TRAPPC8: variants seen among roughly 807,000 people sequenced by gnomAD.
TRAPPC8 encodes the protein general sporulation gene 1 homolog.
Under a neutral mutation model 174.3 loss-of-function variants are expected in TRAPPC8, and 54 were observed. The observed-to-expected ratio is 0.31, with a 90% confidence interval of 0.25 to 0.39. The LOEUF (loss-of-function observed/expected upper bound fraction) is 0.39, where lower values mean the gene tolerates loss of function less well. Ranked by LOEUF, TRAPPC8 falls within the 10% of genes least tolerant of loss-of-function variation. The pLI is 1.00. For missense variants in TRAPPC8, 1,531 were observed against 1,699.1 expected (o/e 0.90, Z 1.74); for synonymous variants, 630 against 579.9 (o/e 1.09, Z -1.24).
intron 5 of TRAPPC8, among the ~76,000 whole-genome samples, chr18:31,911,871 C>CAAA (rs35950290): frequency 1.4e-4 from 13 of 93,712 alleles, no homozygotes; most frequent in Non-Finnish European, 1.8e-4. Flanking sequence ...GATCCTGTCT[C>CAAA]AAAAAAAAAA....
At position 31,935,362 on chromosome 18, in the gene TRAPPC8, ACC is replaced by A. The variant is rs372236055; in HGVS notation, c.158-3841_158-3840del. Among the ~76,000 whole-genome samples the A allele has an allele frequency of 4.0e-3, 232 of 57,384 alleles. 4 individuals carry two copies. Among genetic ancestry groups the A allele is most frequent in the Middle Eastern group, 0.017 (3 of 172 alleles). The allele number at this position is 57,384 out of a possible 152,430, so 37.6% of individuals were successfully genotyped here. On this transcript the variant is annotated intron_variant, in intron 1 of 28. Transcript: ENST00000283351. ...ACCTCAAAAACAAACAAACAAACAA[ACC>A]AAAAAAAAAACAGGCTTTATAAATA...
intron 2 of TRAPPC8, among the ~76,000 whole-genome samples, chr18:31,918,324 A>G (rs1277718877): frequency 2.0e-5 from 3 of 152,200 alleles, no homozygotes; most frequent in Admixed American, 2.0e-4. Flanking sequence ...CTACATGAGT[A>G]AAAAGATTAT....
chr18:31,866,674 T>C (rs550047404), intron 18 of TRAPPC8, among the ~76,000 whole-genome samples, 175 bp downstream of exon 18: 48 of 152,342 alleles, frequency 3.2e-4, no homozygotes, highest in African/African-American at 1.1e-3. Flanking sequence ...CTTTTGACGC[T>C]AGAGATGATG....
rs1325055550 is a variant in TRAPPC8, at chr18:31,853,965, G to GAGTC, written c.3337-24_3337-21dup. ...TTCACTCTGTCAAAAAAAAAGATAG[G>GAGTC]AGTCATTCAGGATTTAGAAGCACTA... On this transcript the variant is annotated intron_variant, in intron 21 of 28. Coordinates refer to ENST00000283351, the MANE Select transcript of TRAPPC8 (RefSeq NM_014939.5). The GAGTC allele has an allele frequency of 6.3e-7, 1 of 1,576,042 alleles. No homozygotes were observed. The highest frequency in any genetic ancestry group is 2.2e-5 in the East Asian group (1 of 44,518).
At chr18:31,921,570 C>T (rs889856764) in intron 2 of TRAPPC8, among the ~76,000 whole-genome samples, 2 of 150,034 alleles carry the variant, frequency 1.3e-5, no homozygotes, top group African/African-American at 2.5e-5. Flanking sequence ...GAGCCAAGAT[C>T]GCACCATTGT....
intron 11 of TRAPPC8, among the ~76,000 whole-genome samples, chr18:31,894,667 C>G (rs1007037794): frequency 2.0e-5 from 3 of 152,072 alleles, no homozygotes; most frequent in Non-Finnish European, 4.4e-5. Flanking sequence ...GATAAAGCCA[C>G]CAGTTGCAGC....
intron 27 of TRAPPC8, among the ~76,000 whole-genome samples, chr18:31,833,097 C>G (rs2032474784): frequency 6.6e-6 from 1 of 152,130 alleles, no homozygotes; most frequent in Non-Finnish European, 1.5e-5. Context: ...GCCCTAACTT[C>G]CCCCACAAAC....
In TRAPPC8 at chr18:31,917,591, G is replaced by C. The variant is rs752409258; in HGVS notation, c.429C>G (p.Asn143Lys). ...GTCAAAGGATACATGCTAAATAGTG[G>C]TTCAGAAATTCATGATCCAATGCTG... The part of the protein sequence containing the change: ...SMPALDHEFL[N>K]HYLACMLVAS... The change falls in exon 3 of 29, where the codon AAC (asparagine) becomes AAG (lysine). Residue 143 changes from asparagine (N) to lysine (K), a missense_variant. By Grantham distance (94) the Asn-to-Lys change is moderately conservative. Coordinates refer to ENST00000283351, the MANE Select transcript of TRAPPC8 (RefSeq NM_014939.5). The C allele has an allele frequency of 6.2e-7, 1 of 1,612,396 alleles. No individual in the cohort carries two copies. Among genetic ancestry groups the C allele is most frequent in the South Asian group, 1.1e-5 (1 of 90,870 alleles).
At position 31,830,915 on chromosome 18, in the gene TRAPPC8, T is replaced by A. The variant is rs745459882; in HGVS notation, c.4148A>T (p.Gln1383Leu). 1 of 1,614,252 alleles carries A rather than the reference T, an allele frequency of 6.2e-7. No individual in the cohort carries two copies. Among genetic ancestry groups the A allele is most frequent in the East Asian group, 2.2e-5 (1 of 44,890 alleles). ...TTTCAGCTGCAGACTGTGAATCTCC[T>A]GGCTTTTAAGTTGAAGTTTATACTG... ...QTQYKLQLKS[Q>L]EIHSLQLKAC... Residue 1383 changes from glutamine to leucine, a missense_variant, in exon 29 of 29, where the codon CAG becomes CTG. Physicochemically the swap from Gln to Leu is moderately radical, Grantham distance 113. Transcript: ENST00000283351.
At chr18:31,902,824 C>T (rs1026680972) in intron 9 of TRAPPC8, among the ~76,000 whole-genome samples, 5 of 151,876 alleles carry the variant, frequency 3.3e-5, no homozygotes, top group East Asian at 1.9e-4. Context: ...CCGAGGCGGG[C>T]GGATCACGAT....
chr18:31,869,372 CA>C (rs2034732731), intron 16 of TRAPPC8, among the ~76,000 whole-genome samples: 1 of 152,074 alleles, frequency 6.6e-6, no homozygotes, highest in East Asian at 1.9e-4. Flanking sequence ...ATCAAATCAA[CA>C]AAGTTTTTAA....
chr18:31,914,475 T>C (rs373200496), intron 4 of TRAPPC8, among the ~76,000 whole-genome samples: 12 of 152,328 alleles, frequency 7.9e-5, no homozygotes, highest in East Asian at 7.7e-4. Flanking sequence ...ACACTCCAAA[T>C]TGAACTGACA....
chr18:31,867,227 C>G (rs1377784339), intron 17 of TRAPPC8, among the ~76,000 whole-genome samples, 175 bp downstream of exon 17: 1 of 152,150 alleles, frequency 6.6e-6, no homozygotes, highest in African/African-American at 2.4e-5. Context: ...ACTAACAAAT[C>G]AAAGACCACT....
chr18:31,840,374 A>AGAGGGAGG (rs374043191), intron 26 of TRAPPC8, among the ~76,000 whole-genome samples: 1 of 140,422 alleles, frequency 7.1e-6, no homozygotes, highest in African/African-American at 2.6e-5. Flanking sequence ...ATAGAGAGAC[A>AGAGGGAGG]GAGGGAGGGA....
intron 11 of TRAPPC8, among the ~76,000 whole-genome samples, chr18:31,893,039 A>AAC (rs2036027239): frequency 1.3e-5 from 2 of 149,634 alleles, no homozygotes; most frequent in South Asian, 2.2e-4. Context: ...AAAAAAAAAA[A>AAC]AACAACATCT....
At chr18:31,870,848 G>A in intron 15 of TRAPPC8, 78 bp downstream of exon 15, 4 of 1,286,916 alleles carry the variant, frequency 3.1e-6, no homozygotes, top group Non-Finnish European at 4.2e-6. Context: ...CCAATTATGT[G>A]TGCCAAACAA....
chr18:31,925,649 A>C lies in TRAPPC8; in HGVS notation c.352+5680T>G, dbSNP rs149164494. On this transcript the variant is annotated intron_variant, in intron 2 of 28. Transcript: ENST00000283351. ...AAGTGCATAACCAGACTGTCAAAAGAAGCTACTCAGTAAAATAAGTGAAAA... is the reference window on the plus strand; with the variant it reads ...AAGTGCATAACCAGACTGTCAAAAGCAGCTACTCAGTAAAATAAGTGAAAA... Among the ~76,000 whole-genome samples the C allele has an allele frequency of 5.0e-4, 76 of 152,314 alleles. No homozygotes were observed. The Middle Eastern group carries it at 0.014, about 27-fold the overall frequency.
Position 31,897,855 on chromosome 18 carries a change from A to T in TRAPPC8, c.1527T>A (p.Ser509Arg). The T allele has an allele frequency of 6.2e-7, 1 of 1,611,618 alleles. No individual in the cohort carries two copies. The highest frequency in any genetic ancestry group is 8.5e-7 in the Non-Finnish European group (1 of 1,178,468). ...MVLAERCVLL[S>R]AELLKSQSKY... ...TGCTTTGGCTTTTTAAAAGTTCAGC[A>T]CTAAGCAACACACATCTTTCAGCCA... is the stretch of plus-strand genomic sequence containing the variant. The change falls in exon 11 of 29, where the codon AGT becomes AGA. Residue 509 changes from serine to arginine, a missense_variant. Physicochemically the swap from Ser to Arg is moderately radical, Grantham distance 110 (BLOSUM62 -1). Transcript: ENST00000283351.
chr18:31,859,095 AAAAC>A (rs138836773), intron 19 of TRAPPC8, among the ~76,000 whole-genome samples: 53,472 of 151,182 alleles, frequency 0.35, 9,910 homozygotes, highest in South Asian at 0.57. Flanking sequence ...CCCATCTCAA[AAAAC>A]AAACAAACAA....
Sources: allele counts gnomAD v4.1 joint callset (sites outside exome capture counted in the v4.1 genomes callset), GRCh38; gene constraint gnomAD v4.1.1; transcripts MANE v1.5; gene names NCBI Gene and HGNC (gene_info 2026-07-23, HGNC 2026-07-21).